The following AP4E1 variants were observed in gnomAD, a reference collection of about 807,000 sequenced individuals.
AP4E1 encodes adaptor related protein complex 4 subunit epsilon 1.
In AP4E1, 56 loss-of-function variants were observed where a neutral mutation model predicts 128.2. The observed-to-expected ratio is 0.44, with a 90% CI of 0.35 to 0.55. The LOEUF (loss-of-function observed/expected upper bound fraction) is 0.55. Among genes scored for constraint, AP4E1 ranks in the 20% least tolerant of loss-of-function variants. AP4E1 has a pLI of 0.00. For missense variants in AP4E1, 1,324 were observed against 1,307.7 expected, an observed-to-expected ratio of 1.01 and a Z score of -0.19; for synonymous variants, 484 against 473.1, an observed-to-expected ratio of 1.02 and a Z score of -0.30.
chr15:50,935,038 A>G (rs1247108096), intron 8 of AP4E1, among the ~76,000 whole-genome samples: 1 of 152,116 alleles, frequency 6.6e-6, no homozygotes, highest in Non-Finnish European at 1.5e-5. Context: ...ATTCAAAGAC[A>G]GTTCTTAAAT....
chr15:50,954,405 A>G (rs989263750), intron 13 of AP4E1, among the ~76,000 whole-genome samples: 2 of 152,236 alleles, frequency 1.3e-5, no homozygotes, highest in African/African-American at 2.4e-5. Flanking sequence ...TAAATTATAA[A>G]TTCAATTTTC....
In AP4E1 at chr15:50,912,255, A is replaced by G. The variant is rs1032500701; in HGVS notation, c.222+106A>G. On this transcript the variant is annotated intron_variant, in intron 2 of 20. Transcript: ENST00000261842. The stretch of plus-strand genomic sequence containing the variant: ...ATCGGTTGCTAAAATTTGATTTATC[A>G]TAGTCAAAATGAATTATAGTTGGTA... 110 of 1,031,560 alleles carry G rather than the reference A, an allele frequency of 1.1e-4. 2 individuals carry two copies. The African/African-American group carries it at 1.1e-3, about 11-fold the overall frequency. 63.9% of individuals were successfully genotyped at this position (1,031,560 alleles called of 1,614,324 possible). A position where few individuals can be genotyped will look rare whatever the true frequency, so the allele number is the denominator to read the frequency against.
chr15:50,943,499 C>T (rs939777991), intron 10 of AP4E1, among the ~76,000 whole-genome samples: 21 of 152,150 alleles, frequency 1.4e-4, no homozygotes, highest in African/African-American at 3.9e-4. Flanking sequence ...CTAATTTCTG[C>T]GTGTAGACAT....
At chr15:50,967,528 C>T (rs1449221210) in intron 14 of AP4E1, among the ~76,000 whole-genome samples, 1 of 152,152 alleles carries the variant, frequency 6.6e-6, no homozygotes, top group Non-Finnish European at 1.5e-5. Context: ...CCTGCCAAAG[C>T]CTTGATTTTA....
intron 19 of AP4E1, among the ~76,000 whole-genome samples, chr15:51,000,793 T>A (rs2064951976): frequency 6.6e-6 from 1 of 152,210 alleles, no homozygotes; most frequent in Admixed American, 6.5e-5. Context: ...GAGAGATAAC[T>A]GAGTGGTTTA....
At chr15:50,978,871 T>C (rs1376442773) in intron 15 of AP4E1, among the ~76,000 whole-genome samples, 1 of 152,158 alleles carries the variant, frequency 6.6e-6, no homozygotes, top group Non-Finnish European at 1.5e-5. Flanking sequence ...ACTATATGGG[T>C]CTTGGGGAGT....
intron 16 of AP4E1, among the ~76,000 whole-genome samples, chr15:50,988,324 A>AT: frequency 6.6e-6 from 1 of 152,060 alleles, no homozygotes; most frequent in Middle Eastern, 3.4e-3. Context: ...TATTGTTATT[A>AT]TTTTTTTGAG....
intron 13 of AP4E1, among the ~76,000 whole-genome samples, chr15:50,950,527 G>A (rs1371467505): frequency 6.6e-6 from 1 of 152,096 alleles, no homozygotes; most frequent in African/African-American, 2.4e-5. Context: ...CAAATAGAAG[G>A]AGGTTCATCT....
At position 50,997,781 on chromosome 15, in the gene AP4E1, T is replaced by A; in HGVS notation, c.2802T>A (p.Ile934=). The part of the protein sequence containing the change: ...NETISVSSYK[I]WKDDCLLMVW... ...CTATATCAGTGTCTTCTTATAAAATTTGGAAAGATGATTGTTTATTGATGG... is the reference window on the plus strand; with the variant it reads ...CTATATCAGTGTCTTCTTATAAAATATGGAAAGATGATTGTTTATTGATGG... Residue 934 remains isoleucine (I), a synonymous_variant, in exon 18 of 21, where the codon ATT becomes ATA. Coordinates refer to ENST00000261842, the MANE Select transcript of AP4E1 (RefSeq NM_007347.5). 1 of 1,610,142 alleles carries A rather than the reference T, an allele frequency of 6.2e-7. No homozygotes were observed. The highest frequency in any genetic ancestry group is 8.5e-7 in the Non-Finnish European group (1 of 1,177,718).
intron 10 of AP4E1, 84 bp from the exon 11 acceptor site, chr15:50,947,936 G>C: frequency 5.3e-6 from 6 of 1,139,820 alleles, no homozygotes; most frequent in Non-Finnish European, 7.5e-6. Context: ...AGAATCAACT[G>C]TATGGTCAAC....
rs1028752373 is a variant in AP4E1, at chr15:50,984,262, A to T, written c.2090+117A>T. The T allele has an allele frequency of 4.0e-5, 52 of 1,303,344 alleles. 1 individual carries two copies. The East Asian group carries it at 1.2e-3, about 30-fold the overall frequency. 80.7% of individuals were successfully genotyped at this position (1,303,344 alleles called of 1,614,324 possible). On this transcript the variant is annotated intron_variant, in intron 16 of 20. Transcript: ENST00000261842. ...ATGGTCATTATTTGCTTATTTTAGG[A>T]TAACTTTCAAGAGGTCTATTGTTTC...
Position 50,908,718 on chromosome 15 carries a change from G to C in AP4E1, c.-61G>C. ...GAGGCCGGGCCGGCAGCGGCGGCCG[G>C]GCATGAAGCCGGGCGGCTACGGGAT... On this transcript the variant is annotated 5_prime_UTR_variant, in exon 1 of 21. Transcript: ENST00000261842. 7.0e-7 allele frequency: 1 copy of C among 1,426,454 alleles called. No homozygotes were observed. The highest frequency in any genetic ancestry group is 9.2e-7 in the Non-Finnish European group (1 of 1,090,588). 88.4% of individuals were successfully genotyped at this position (1,426,454 alleles called of 1,614,324 possible).
chr15:51,002,785 A>T lies in AP4E1; in HGVS notation c.*123A>T. 1 of 1,267,318 alleles carries T rather than the reference A, an allele frequency of 7.9e-7. No individual in the cohort carries two copies. Among genetic ancestry groups the T allele is most frequent in the Non-Finnish European group, 1.1e-6 (1 of 900,932 alleles). The allele number at this position is 1,267,318 out of a possible 1,614,324, so 78.5% of individuals were successfully genotyped here. On this transcript the variant is annotated 3_prime_UTR_variant, in exon 21 of 21. Transcript: ENST00000261842. ...ATGGGGATTATTACAAGTGTGGTTT[A>T]TATGTTTTCTTTGTGATTCCTGGTC... is the stretch of plus-strand genomic sequence containing the variant.
chr15:50,931,559 C>G (rs2063836664), intron 7 of AP4E1, among the ~76,000 whole-genome samples: 1 of 151,958 alleles, frequency 6.6e-6, no homozygotes, highest in South Asian at 2.1e-4. Flanking sequence ...AAGCGAGACT[C>G]TGTCTCAAAA....
rs1333984894 is a variant in AP4E1, at chr15:50,980,356, A to C, written c.1967-3666A>C. On this transcript the variant is annotated intron_variant, in intron 15 of 20. Transcript: ENST00000261842. ...AGCGATGAACTAGAATATCTGGTGG[A>C]AGAAATTTCTGTGCAAAATATTGAA... Among the ~76,000 whole-genome samples the C allele has an allele frequency of 2.0e-5, 3 of 152,234 alleles. No individual in the cohort carries two copies. The East Asian group carries it at 5.8e-4, about 29-fold the overall frequency.
chr15:51,002,258 C>T (rs1226261022), intron 20 of AP4E1, among the ~76,000 whole-genome samples: 2 of 152,148 alleles, frequency 1.3e-5, no homozygotes, highest in African/African-American at 4.8e-5. Flanking sequence ...AGCAATGTAC[C>T]AGGGTTCCAG....
chr15:50,925,421 G>A (rs1388998449), intron 5 of AP4E1, among the ~76,000 whole-genome samples: 1 of 152,062 alleles, frequency 6.6e-6, no homozygotes, highest in Non-Finnish European at 1.5e-5. Flanking sequence ...GTTAGACTAA[G>A]AGACAGTGAG....
At chr15:50,925,920 C>T (rs569305588) in intron 5 of AP4E1, among the ~76,000 whole-genome samples, 14 of 151,170 alleles carry the variant, frequency 9.3e-5, no homozygotes, top group Middle Eastern at 3.5e-3. Context: ...CCACCATGCC[C>T]GGCCCGGGAA....
chr15:50,982,469 A>G (rs2064657154), intron 15 of AP4E1, among the ~76,000 whole-genome samples: 1 of 152,192 alleles, frequency 6.6e-6, no homozygotes, highest in Non-Finnish European at 1.5e-5. Context: ...CCCTACTCCT[A>G]TTCCTTCTAT....
Sources: allele counts gnomAD v4.1 joint callset (sites outside exome capture counted in the v4.1 genomes callset), GRCh38; gene constraint gnomAD v4.1.1; transcripts MANE v1.5; gene names NCBI Gene and HGNC (gene_info 2026-07-23, HGNC 2026-07-21).